The following COX7B2 variants were observed in gnomAD, a reference collection of about 807,000 sequenced individuals.
COX7B2 encodes cytochrome c oxidase subunit 7B2, also known as cytochrome c oxidase subunit 7B2, mitochondrial.
For synonymous variants in COX7B2, 37 were observed against 32.1 expected (o/e 1.15, Z -0.51); for missense variants, 109 against 95.9 (o/e 1.14, Z -0.57).
intron 1 of COX7B2, among the ~76,000 whole-genome samples, chr4:46,906,216 G>A (rs1444399316): frequency 6.6e-6 from 1 of 152,016 alleles, no homozygotes; most frequent in Non-Finnish European, 1.5e-5. Flanking sequence ...CCTCAGGGAG[G>A]GTCTCCTCTC....
In COX7B2 at chr4:46,759,334, T is replaced by A. The variant is rs1200434047; in HGVS notation, c.-49-24093A>T. On this transcript the variant is annotated intron_variant, in intron 2 of 2. Coordinates refer to ENST00000355591, the MANE Select transcript of COX7B2 (RefSeq NM_130902.3). ...TATATTCAATATACTCAGAGATTTTTTTCTAATCTTAAAATATTTATATGA... is the reference window on the plus strand; with the variant it reads ...TATATTCAATATACTCAGAGATTTTATTCTAATCTTAAAATATTTATATGA... Among the ~76,000 whole-genome samples the A allele has an allele frequency of 2.0e-5, 3 of 152,160 alleles. No homozygotes were observed. In the East Asian group the frequency reaches 5.8e-4, roughly 29 times the overall value.
rs535680649 is a variant in COX7B2 at position 46,762,436 on chromosome 4, A to T, written c.-49-27195T>A. On this transcript the variant is annotated intron_variant, in intron 2 of 2. Transcript: ENST00000355591. ...TATATAATATATATATTTACTATAT[A>T]TACTGTATATATATACTATATATAG... Among the ~76,000 whole-genome samples, 14 of 137,920 alleles carry T rather than the reference A, an allele frequency of 1.0e-4. No individual in the cohort carries two copies. The East Asian group carries it at 2.7e-3, about 26-fold the overall frequency. The allele number at this position is 137,920 out of a possible 152,430, so 90.5% of individuals were successfully genotyped here.
chr4:46,774,117 C>T (rs1163797791), intron 2 of COX7B2, among the ~76,000 whole-genome samples: 2 of 152,266 alleles, frequency 1.3e-5, no homozygotes, highest in East Asian at 3.9e-4. Context: ...AAGATGTTCA[C>T]GCTTTTGATA....
At chr4:46,798,903 G>A (rs551585007) in intron 2 of COX7B2, among the ~76,000 whole-genome samples, 6 of 152,108 alleles carry the variant, frequency 3.9e-5, no homozygotes, top group South Asian at 2.1e-4. Flanking sequence ...GCCTCATGAC[G>A]GAGGAAATTA....
intron 2 of COX7B2, among the ~76,000 whole-genome samples, chr4:46,828,657 A>G (rs1714852415): frequency 6.6e-6 from 1 of 152,190 alleles, no homozygotes; most frequent in South Asian, 2.1e-4. Flanking sequence ...CACATAGAGT[A>G]CAATCAGTAA....
At chr4:46,857,317 T>C (rs1294771876) in intron 1 of COX7B2, among the ~76,000 whole-genome samples, 3 of 152,258 alleles carry the variant, frequency 2.0e-5, no homozygotes, top group Non-Finnish European at 4.4e-5. Context: ...CTAGTTGATT[T>C]GGACTGTGAG....
chr4:46,786,043 CT>C (rs1717738608), intron 2 of COX7B2, among the ~76,000 whole-genome samples: 1 of 151,884 alleles, frequency 6.6e-6, no homozygotes, highest in South Asian at 2.1e-4. Flanking sequence ...CAAAATAGTT[CT>C]TTTTGCTTTT....
intron 2 of COX7B2, among the ~76,000 whole-genome samples, chr4:46,769,512 T>C (rs1008863769): frequency 2.0e-5 from 3 of 152,006 alleles, no homozygotes; most frequent in Admixed American, 1.3e-4. Flanking sequence ...GTCAGGAGTT[T>C]GGGACCAGCC....
chr4:46,877,745 G>T (rs1198005613), intron 1 of COX7B2, among the ~76,000 whole-genome samples: 1 of 151,058 alleles, frequency 6.6e-6, no homozygotes, highest in Non-Finnish European at 1.5e-5. Flanking sequence ...ATGAGTGAGG[G>T]TATGGAGAAA....
intron 2 of COX7B2, among the ~76,000 whole-genome samples, chr4:46,799,448 C>T (rs1718535764): frequency 6.6e-6 from 1 of 152,064 alleles, no homozygotes; most frequent in Non-Finnish European, 1.5e-5. Flanking sequence ...CAATTCTCAA[C>T]AGGAATGATT....
At chr4:46,876,157 C>T (rs745306666) in intron 1 of COX7B2, among the ~76,000 whole-genome samples, 1 of 151,954 alleles carries the variant, frequency 6.6e-6, no homozygotes, top group African/African-American at 2.4e-5. Flanking sequence ...TTAAAAAGAA[C>T]AAAAGGTTTT....
At chr4:46,872,561 T>C (rs923791480) in intron 1 of COX7B2, among the ~76,000 whole-genome samples, 3 of 152,198 alleles carry the variant, frequency 2.0e-5, no homozygotes, top group African/African-American at 7.2e-5. Flanking sequence ...AACTACAATT[T>C]GGGGGCTTAC....
chr4:46,799,284 T>A (rs182841289), intron 2 of COX7B2, among the ~76,000 whole-genome samples: 2 of 152,174 alleles, frequency 1.3e-5, no homozygotes, highest in Admixed American at 6.5e-5. Flanking sequence ...GGTTTTCTAA[T>A]GATAAAATCA....
At chr4:46,767,587 G>C (rs1299461267) in intron 2 of COX7B2, among the ~76,000 whole-genome samples, 1 of 152,020 alleles carries the variant, frequency 6.6e-6, no homozygotes, top group African/African-American at 2.4e-5. Context: ...CTCCAGGTTA[G>C]ATATTATTAG....
At chr4:46,767,681 AT>A (rs1246476362) in intron 2 of COX7B2, among the ~76,000 whole-genome samples, 60 of 152,346 alleles carry the variant, frequency 3.9e-4, no homozygotes, top group African/African-American at 1.4e-3. Flanking sequence ...AAAATTAGAA[AT>A]CACTAACAGG....
At chr4:46,837,417 A>G (rs1308190724) in intron 2 of COX7B2, among the ~76,000 whole-genome samples, 1 of 152,062 alleles carries the variant, frequency 6.6e-6, no homozygotes, top group Non-Finnish European at 1.5e-5. Flanking sequence ...CCAGATGCAA[A>G]TGGACAAATA....
chr4:46,841,335 C>CTGTGTGTGTGTGTGTGTGTG (rs145768502), intron 2 of COX7B2, among the ~76,000 whole-genome samples: 3 of 139,794 alleles, frequency 2.1e-5, no homozygotes, highest in African/African-American at 5.4e-5. Flanking sequence ...CAAATGTGCT[C>CTGTGTGTGTGTGTGTGTGTG]TGTGTGTGTG....
At chr4:46,750,195 TACACACACACACACACACACACAC>T (rs58139781) in intron 2 of COX7B2, among the ~76,000 whole-genome samples, 7 of 113,854 alleles carry the variant, frequency 6.1e-5, no homozygotes, top group African/African-American at 2.4e-4. Flanking sequence ...ATCCCATCTC[TACACACACACACACACACACACAC>T]ACACACACAC....
chr4:46,825,024 G>A (rs1282141403), intron 2 of COX7B2, among the ~76,000 whole-genome samples: 2 of 151,842 alleles, frequency 1.3e-5, no homozygotes, highest in African/African-American at 2.4e-5. Flanking sequence ...AATATTGGAA[G>A]TCCTAACAAG....
Sources: allele counts gnomAD v4.1 joint callset (sites outside exome capture counted in the v4.1 genomes callset), GRCh38; gene constraint gnomAD v4.1.1; transcripts MANE v1.5; gene names NCBI Gene and HGNC (gene_info 2026-07-23, HGNC 2026-07-21).